The following RSU1 variants were observed in gnomAD, a reference collection of about 807,000 sequenced individuals.
The protein encoded by RSU1 is rsu-1.
A neutral mutation model predicts 31.1 loss-of-function variants in RSU1; 26 were observed. The observed-to-expected ratio is 0.84, with a 90% confidence interval of 0.61 to 1.16. The LOEUF (loss-of-function observed/expected upper bound fraction) is 1.16, where lower values mean the gene tolerates loss of function less well. Among genes scored for constraint, RSU1 ranks in the 50% most tolerant of loss-of-function variants. The pLI is 0.00. For synonymous variants in RSU1, 164 were observed against 136.3 expected, an observed-to-expected ratio of 1.20 and a Z score of -1.41; for missense variants, 320 against 339.1, an observed-to-expected ratio of 0.94 and a Z score of 0.44.
intron 8 of RSU1, among the ~76,000 whole-genome samples, chr10:16,600,167 C>T (rs563683176): frequency 1.8e-4 from 27 of 152,260 alleles, no homozygotes; most frequent in African/African-American, 5.5e-4. Context: ...GAGATGCCTG[C>T]GACGCTCTCA....
At chr10:16,714,105 T>C (rs1836077820) in intron 7 of RSU1, among the ~76,000 whole-genome samples, 2 of 152,104 alleles carry the variant, frequency 1.3e-5, no homozygotes, top group South Asian at 4.2e-4. Context: ...CCAACAGGCT[T>C]TTCAGGGAGG....
intron 8 of RSU1, among the ~76,000 whole-genome samples, chr10:16,656,633 A>G (rs1210271638): frequency 1.3e-5 from 2 of 152,212 alleles, no homozygotes; most frequent in African/African-American, 4.8e-5. Context: ...TCCTTGACCA[A>G]CCAAGTATGC....
chr10:16,605,798 G>A (rs1833794231), intron 8 of RSU1, among the ~76,000 whole-genome samples: 1 of 152,132 alleles, frequency 6.6e-6, no homozygotes, highest in South Asian at 2.1e-4. Context: ...TGGCTGCAGG[G>A]TTTCATTTTT....
intron 7 of RSU1, among the ~76,000 whole-genome samples, chr10:16,749,558 C>A (rs187048803): frequency 1.3e-5 from 2 of 152,250 alleles, no homozygotes; most frequent in African/African-American, 4.8e-5. Context: ...TCACCAGTGC[C>A]CAGCACTGCC....
At chr10:16,733,268 A>T (rs1836550967) in intron 7 of RSU1, among the ~76,000 whole-genome samples, 1 of 149,518 alleles carries the variant, frequency 6.7e-6, no homozygotes, top group African/African-American at 2.5e-5. Flanking sequence ...AGATGGACGG[A>T]TCACCTGAGG....
intron 8 of RSU1, among the ~76,000 whole-genome samples, chr10:16,598,105 C>A (rs1833652856): frequency 6.6e-6 from 1 of 152,242 alleles, no homozygotes; most frequent in Non-Finnish European, 1.5e-5. Flanking sequence ...ATGGCCACAT[C>A]TGATCCCTGA....
rs140154099 is a variant in RSU1, at chr10:16,665,286, T to C, written c.731+29737A>G. On this transcript the variant is annotated intron_variant, in intron 8 of 8. Coordinates refer to ENST00000345264, the MANE Select transcript of RSU1 (RefSeq NM_012425.4). The stretch of plus-strand genomic sequence containing the variant: ...TATATGCATTATCTCATACACTCTT[T>C]CCTAACAACCCTCCAAGAAGAACAC... Among the ~76,000 whole-genome samples the C allele has an allele frequency of 1.4e-4, 22 of 152,220 alleles. No individual in the cohort carries two copies. The East Asian group carries it at 4.3e-3, about 29-fold the overall frequency.
At chr10:16,719,263 G>A (rs1427387242) in intron 7 of RSU1, among the ~76,000 whole-genome samples, 5 of 151,512 alleles carry the variant, frequency 3.3e-5, no homozygotes, top group East Asian at 2.0e-4. Flanking sequence ...AGCTAGGACC[G>A]CACCACTGCA....
At chr10:16,814,095 C>G (rs1838470804) in intron 2 of RSU1, among the ~76,000 whole-genome samples, 1 of 152,130 alleles carries the variant, frequency 6.6e-6, no homozygotes, top group Non-Finnish European at 1.5e-5. Context: ...TGTGTTTAAG[C>G]TGGATACTAG....
intron 8 of RSU1, among the ~76,000 whole-genome samples, chr10:16,611,050 CAT>C (rs1833883960): frequency 6.6e-6 from 1 of 152,202 alleles, no homozygotes. Context: ...AGCACAAAAA[CAT>C]AAAAGCAGCT....
chr10:16,614,449 T>C (rs1833942189), intron 8 of RSU1, among the ~76,000 whole-genome samples: 1 of 152,042 alleles, frequency 6.6e-6, no homozygotes, highest in Non-Finnish European at 1.5e-5. Flanking sequence ...AATGAGGCAC[T>C]ATAGTCCCCC....
intron 2 of RSU1, among the ~76,000 whole-genome samples, chr10:16,814,470 A>G (rs28513796): frequency 0.091 from 12,473 of 136,502 alleles, 629 homozygotes; most frequent in African/African-American, 0.14. Flanking sequence ...AAAAAAAAAG[A>G]AAAAAAAATT....
intron 8 of RSU1, among the ~76,000 whole-genome samples, chr10:16,632,928 T>A (rs1834278104): frequency 6.6e-6 from 1 of 151,684 alleles, no homozygotes; most frequent in Non-Finnish European, 1.5e-5. Flanking sequence ...CTGAGTGAGA[T>A]CCCATCTCAA....
intron 7 of RSU1, among the ~76,000 whole-genome samples, chr10:16,748,577 G>T (rs1002724777): frequency 2.0e-5 from 3 of 152,148 alleles, no homozygotes; most frequent in African/African-American, 7.2e-5. Flanking sequence ...CATTTCACCC[G>T]GAGTAAAAGC....
chr10:16,613,804 A>C (rs550202698), intron 8 of RSU1, among the ~76,000 whole-genome samples: 218 of 152,148 alleles, frequency 1.4e-3, no homozygotes, highest in Non-Finnish European at 2.0e-3. Context: ...TCTTTAAAAA[A>C]AAAAAAAACA....
At chr10:16,781,909 TA>T in intron 3 of RSU1, 124 bp downstream of exon 3, 1 of 789,402 alleles carries the variant, frequency 1.3e-6, no homozygotes, top group Non-Finnish European at 2.1e-6. Context: ...GTCACCAAAG[TA>T]AACTAAGGTT....
intron 8 of RSU1, among the ~76,000 whole-genome samples, chr10:16,652,317 C>T (rs568293892): frequency 1.8e-4 from 25 of 139,270 alleles, no homozygotes; most frequent in Admixed American, 1.6e-3. Context: ...TAAAAGGAGG[C>T]TGATTGAGAA....
chr10:16,769,414 C>T (rs1837378500), intron 3 of RSU1, among the ~76,000 whole-genome samples: 1 of 152,230 alleles, frequency 6.6e-6, no homozygotes, highest in Admixed American at 6.5e-5. Flanking sequence ...GCTTGACAGC[C>T]ACATGTGGTG....
At chr10:16,690,804 TG>T (rs1437938590) in intron 8 of RSU1, among the ~76,000 whole-genome samples, 2 of 152,092 alleles carry the variant, frequency 1.3e-5, no homozygotes, top group Admixed American at 6.6e-5. Context: ...ATTTAGGTAA[TG>T]GGTTAACTGG....
Sources: gnomAD v4.1 joint callset for allele counts (sites outside exome capture counted in the v4.1 genomes callset) on GRCh38, gnomAD v4.1.1 for gene constraint, MANE v1.5 for transcripts, NCBI Gene and HGNC (gene_info 2026-07-23, HGNC 2026-07-21) for gene names.